The following PHIP variants were observed in gnomAD, a reference collection of about 807,000 sequenced individuals.
PHIP encodes the protein PH-interacting protein.
Under a neutral mutation model 236.8 loss-of-function variants are expected in PHIP, and 54 were observed. The ratio of observed to expected loss-of-function variants is 0.23; its 90% CI spans 0.18 to 0.29. The LOEUF is 0.29. PHIP is among the 10% of genes least tolerant of loss of function. The pLI is 1.00. For missense variants in PHIP, 1,370 were observed against 2,190.8 expected, an observed-to-expected ratio of 0.63 and a Z score of 7.48; for synonymous variants, 756 against 718.9, an observed-to-expected ratio of 1.05 and a Z score of -0.83.
rs553529180 is a variant in PHIP at position 78,936,939 on chromosome 6, T to C, written c.*3754A>G. 6.6e-6 allele frequency: 1 copy of C among 151,942 alleles called. No homozygotes were observed. Among genetic ancestry groups the C allele is most frequent in the South Asian group, 2.1e-4 (1 of 4,830 alleles). 9.4% of individuals were successfully genotyped at this position (151,942 alleles called of 1,614,324 possible). A position where few individuals can be genotyped will look rare whatever the true frequency, so the allele number is the denominator to read the frequency against. ...GCAAGGGTAGAAGCAAAGAAAAGTG[T>C]ATTTTTCAAATTTTAATGGGAAAAT... On this transcript the variant is annotated 3_prime_UTR_variant, in exon 40 of 40. Coordinates refer to ENST00000275034, the MANE Select transcript of PHIP (RefSeq NM_017934.7).
chr6:78,946,516 C>G, intron 37 of PHIP, 195 bp downstream of exon 37: 4 of 1,384,404 alleles, frequency 2.9e-6, no homozygotes, highest in Non-Finnish European at 3.7e-6. Flanking sequence ...ATAGATTTAG[C>G]AGTTTGAATT....
chr6:79,000,739 C>G (rs765695085), intron 17 of PHIP, among the ~76,000 whole-genome samples: 5 of 152,028 alleles, frequency 3.3e-5, no homozygotes, highest in Non-Finnish European at 5.9e-5. Flanking sequence ...GTCTGAGTAT[C>G]TGTCCATACT....
Position 79,001,806 on chromosome 6 carries a change from T to C in PHIP, c.1879+93A>G, listed in dbSNP as rs1024527102. 22 of 767,840 alleles carry C rather than the reference T, an allele frequency of 2.9e-5. No individual in the cohort carries two copies. In the African/African-American group the frequency reaches 3.6e-4, roughly 13 times the overall value. The allele number at this position is 767,840 out of a possible 1,614,324, so 47.6% of individuals were successfully genotyped here. On this transcript the variant is annotated intron_variant, in intron 17 of 39. Transcript: ENST00000275034. ...AAACATACTTTTACTTCTTATCCACTTAACAACTGCAAACAAAGTTTTACT... is the reference window on the plus strand; with the variant it reads ...AAACATACTTTTACTTCTTATCCACCTAACAACTGCAAACAAAGTTTTACT...
chr6:79,049,651 A>T (rs907614661), intron 6 of PHIP, among the ~76,000 whole-genome samples: 3 of 152,184 alleles, frequency 2.0e-5, no homozygotes, highest in African/African-American at 7.2e-5. Flanking sequence ...TGAGTAACTT[A>T]AGAGTACATG....
At chr6:79,014,488 A>T (rs984462920) in intron 15 of PHIP, among the ~76,000 whole-genome samples, 5 of 151,844 alleles carry the variant, frequency 3.3e-5, no homozygotes, top group Admixed American at 3.3e-4. Context: ...GGAGACCTTA[A>T]TACTTCATAC....
chr6:78,965,847 C>T (rs1343875081), intron 28 of PHIP, 83 bp from the exon 29 acceptor site: 4 of 1,170,872 alleles, frequency 3.4e-6, no homozygotes, highest in East Asian at 4.7e-5. Flanking sequence ...AAAATAATTG[C>T]TTCTGTGTTT....
intron 15 of PHIP, among the ~76,000 whole-genome samples, chr6:79,013,008 A>C (rs867707947): frequency 2.0e-5 from 3 of 151,940 alleles, no homozygotes; most frequent in African/African-American, 7.2e-5. Flanking sequence ...TAACATTGAC[A>C]AAAGCTCAAA....
intron 15 of PHIP, among the ~76,000 whole-genome samples, chr6:79,012,350 G>A (rs1770626825): frequency 1.3e-5 from 2 of 151,606 alleles, no homozygotes; most frequent in African/African-American, 4.8e-5. Flanking sequence ...AGCTGTAGGT[G>A]GAATGGTGAG....
rs72902888 is a variant in PHIP at position 79,000,532 on chromosome 6, T to G, written c.1879+1367A>C. ...AAATGGATTTAAAAAGTAATAATAA[T>G]AATTAATTAGCACTGATACTTTAAT... On this transcript the variant is annotated intron_variant, in intron 17 of 39. Coordinates refer to ENST00000275034, the MANE Select transcript of PHIP (RefSeq NM_017934.7). Among the ~76,000 whole-genome samples the G allele has an allele frequency of 5.1e-3, 775 of 152,158 alleles. 5 individuals are homozygous for G. The highest frequency in any genetic ancestry group is 6.6e-3 in the Non-Finnish European group (450 of 67,974).
intron 27 of PHIP, among the ~76,000 whole-genome samples, chr6:78,966,601 TA>T (rs1303221053): frequency 6.6e-6 from 1 of 152,090 alleles, no homozygotes; most frequent in African/African-American, 2.4e-5. Context: ...GAAACAAAAA[TA>T]AAACAACTAT....
intron 9 of PHIP, among the ~76,000 whole-genome samples, chr6:79,025,306 G>GGA (rs1554207145): frequency 3.3e-5 from 5 of 151,370 alleles, no homozygotes; most frequent in Non-Finnish European, 7.4e-5. Flanking sequence ...AGGATAAAGA[G>GGA]AAAAAAAATG....
Position 78,982,907 on chromosome 6 carries a change from C to A in PHIP, c.2748G>T (p.Lys916Asn). Residue 916 changes from lysine to asparagine, a missense_variant, in exon 23 of 40, where the codon AAG (lysine) becomes AAT (asparagine). By Grantham distance (94) the Lys-to-Asn change is moderately conservative (BLOSUM62 0). Transcript: ENST00000275034. ...AAACCTTTTGTTTTCTTTCTTTGGGCTTCTTTTTCTTTGGTGATATTGGTC... is the reference window on the plus strand; with the variant it reads ...AAACCTTTTGTTTTCTTTCTTTGGGATTCTTTTTCTTTGGTGATATTGGTC... The part of the protein sequence containing the change: ...KDGPISPKKK[K>N]PKERKQKRLA... 6.4e-7 allele frequency: 1 copy of A among 1,564,210 alleles called. No homozygotes were observed. The highest frequency in any genetic ancestry group is 8.6e-7 in the Non-Finnish European group (1 of 1,163,440).
At chr6:78,992,708 C>T (rs1345019435) in intron 19 of PHIP, among the ~76,000 whole-genome samples, 2 of 152,112 alleles carry the variant, frequency 1.3e-5, no homozygotes, top group African/African-American at 4.8e-5. Flanking sequence ...CTATATAGAA[C>T]AATGAACTTA....
At chr6:79,064,807 T>C (rs576367103) in intron 4 of PHIP, among the ~76,000 whole-genome samples, 9 of 152,306 alleles carry the variant, frequency 5.9e-5, no homozygotes, top group East Asian at 3.9e-4. Context: ...CTTTGGACAA[T>C]TGTTATAACA....
intron 15 of PHIP, among the ~76,000 whole-genome samples, chr6:79,009,837 A>G (rs1770478833): frequency 6.6e-6 from 1 of 152,014 alleles, no homozygotes; most frequent in Non-Finnish European, 1.5e-5. Context: ...ATTCATGGCA[A>G]CAGATTAACA....
At chr6:78,977,728 A>T (rs1768209789) in intron 24 of PHIP, among the ~76,000 whole-genome samples, 1 of 152,190 alleles carries the variant, frequency 6.6e-6, no homozygotes, top group Non-Finnish European at 1.5e-5. Flanking sequence ...GGATGTTAAG[A>T]TCTATCACTG....
intron 25 of PHIP, 22 bp from the exon 26 acceptor site, chr6:78,970,195 A>G: frequency 6.2e-7 from 1 of 1,601,068 alleles, no homozygotes; most frequent in Middle Eastern, 1.7e-4. Context: ...AGAGAATATA[A>G]GGAACCATCT....
At chr6:79,044,008 A>G (rs1466763254) in intron 6 of PHIP, among the ~76,000 whole-genome samples, 1 of 152,032 alleles carries the variant, frequency 6.6e-6, no homozygotes, top group African/African-American at 2.4e-5. Context: ...TGGTTGTATT[A>G]TGAAGAATCT....
intron 4 of PHIP, among the ~76,000 whole-genome samples, chr6:79,067,493 G>A (rs528303342): frequency 1.3e-5 from 2 of 152,302 alleles, no homozygotes; most frequent in East Asian, 3.9e-4. Context: ...TAGAGTGCAA[G>A]TCAGCAAACA....
Sources: gnomAD v4.1 joint callset for allele counts (sites outside exome capture counted in the v4.1 genomes callset) on GRCh38, gnomAD v4.1.1 for gene constraint, MANE v1.5 for transcripts, NCBI Gene and HGNC (gene_info 2026-07-23, HGNC 2026-07-21) for gene names.